C5: variants seen among roughly 807,000 people sequenced by gnomAD.
C5 encodes the protein C3 and PZP-like alpha-2-macroglobulin domain-containing protein 4.
C5 carries 140 observed loss-of-function variants against 218.8 expected under a neutral mutation model. The observed-to-expected ratio is 0.64, with a 90% CI of 0.56 to 0.74. The LOEUF (loss-of-function observed/expected upper bound fraction) is 0.74. Ranked by LOEUF, C5 falls within the 30% of genes least tolerant of loss-of-function variation. The pLI, the probability that C5 is intolerant of heterozygous loss-of-function variation, is 0.00. For synonymous variants in C5, 614 were observed against 682.3 expected (o/e 0.90, Z 1.56); for missense variants, 1,700 against 1,969.6 (o/e 0.86, Z 2.59).
At position 121,037,928 on chromosome 9, in the gene C5, TC is replaced by T. The variant is rs1187047976; in HGVS notation, c.444del (p.Asn149MetfsTer4). The T allele has an allele frequency of 1.3e-6, 2 of 1,530,698 alleles. No individual in the cohort carries two copies. Among genetic ancestry groups the T allele is most frequent in the African/African-American group, 1.4e-5 (1 of 72,916 alleles). 94.8% of individuals were successfully genotyped at this position (1,530,698 alleles called of 1,614,324 possible). On this transcript the variant is annotated frameshift_variant, in exon 4 of 41. Transcript: ENST00000223642. LOFTEE classifies it high-confidence loss of function. ...CTTTTGGCTGGCTTCAAGTCGTCAT[TC>T]AACGAATAAACTCTAACTTTTACTG... is the stretch of plus-strand genomic sequence containing the variant. ...DQSVKVRVYS[L>X]NDDLKPAKRE...
At chr9:121,055,421 G>A in the C5 span, among the ~76,000 whole-genome samples, 1 of 152,096 alleles carries the variant, frequency 6.6e-6, no homozygotes, top group Non-Finnish European at 1.5e-5. Flanking sequence ...AGCCACAGGA[G>A]TATGTATGTC....
intron 12 of C5, among the ~76,000 whole-genome samples, chr9:121,019,180 G>T (rs550883058): frequency 2.0e-5 from 3 of 151,950 alleles, no homozygotes; most frequent in South Asian, 2.1e-4. Flanking sequence ...GCCCTCAGAG[G>T]TCCCTTAAAT....
intron 12 of C5, among the ~76,000 whole-genome samples, chr9:121,018,252 CAAAA>C (rs1189613789): frequency 0.034 from 1,411 of 42,110 alleles, 26 homozygotes; most frequent in African/African-American, 0.12. Context: ...GACTCTGTCT[CAAAA>C]AAAAAAAAAA....
intron 21 of C5, 74 bp from the exon 22 acceptor site, chr9:120,996,374 T>C (rs1292036415): frequency 2.3e-6 from 3 of 1,301,850 alleles, no homozygotes; most frequent in Non-Finnish European, 3.3e-6. Context: ...TCAACTTTTC[T>C]GGACCACTTT....
chr9:120,997,487 T>A, intron 21 of C5, 60 bp downstream of exon 21: 1 of 1,231,938 alleles, frequency 8.1e-7, no homozygotes, highest in East Asian at 2.4e-5. Flanking sequence ...CTCCCCCCCC[T>A]TTCTGTGTCT....
At chr9:120,963,015 G>T in intron 34 of C5, 48 bp from the exon 35 acceptor site, 1 of 1,409,744 alleles carries the variant, frequency 7.1e-7, no homozygotes, top group Non-Finnish European at 1.0e-6. Context: ...TTATCTTTTT[G>T]TTTAAATGCA....
At chr9:121,025,408 A>G in intron 9 of C5, 46 bp downstream of exon 9, 1 of 1,255,010 alleles carries the variant, frequency 8.0e-7, no homozygotes, top group South Asian at 2.1e-5. Context: ...AATATTTTTC[A>G]AAAGAAAGTA....
chr9:121,055,740 CA>C, the C5 span, among the ~76,000 whole-genome samples: 1 of 152,140 alleles, frequency 6.6e-6, no homozygotes, highest in South Asian at 2.1e-4. Context: ...CAGGCATAAC[CA>C]GGCAGTAGTG....
At chr9:121,000,058 C>CAAA (rs56914253) in intron 20 of C5, 146 of 172,120 alleles carry the variant, frequency 8.5e-4, no homozygotes, top group South Asian at 1.2e-3. Flanking sequence ...GACTCTGTCT[C>CAAA]AAAAAAAAAA....
chr9:120,991,377 T>C (rs2047076219), intron 22 of C5, 97 bp from the exon 23 acceptor site: 2 of 759,922 alleles, frequency 2.6e-6, no homozygotes, highest in Non-Finnish European at 4.6e-6. Flanking sequence ...TATTTCAAAA[T>C]AAAAGACTTA....
Position 120,989,054 on chromosome 9 carries a change from A to T in C5, c.3222T>A (p.Ala1074=), listed in dbSNP as rs774244761. Residue 1074 remains alanine, a synonymous_variant, in exon 25 of 41, where the codon GCT becomes GCA. Coordinates refer to ENST00000223642, the MANE Select transcript of C5 (RefSeq NM_001735.3). ...CAAAATCTTCTACTTACCAAGTGCTAGCACTTCCACCCTTCCACACACTGT... is the reference window on the plus strand; with the variant it reads ...CAAAATCTTCTACTTACCAAGTGCTTGCACTTCCACCCTTCCACACACTGT... ...YSYSVWKGGS[A]STWLTAFALR... 8 of 1,611,922 alleles carry T rather than the reference A, an allele frequency of 5.0e-6. No homozygotes were observed. Among genetic ancestry groups the T allele is most frequent in the Non-Finnish European group, 5.9e-6 (7 of 1,177,928 alleles).
chr9:120,991,810 G>C (rs1366127936), intron 22 of C5, among the ~76,000 whole-genome samples: 1 of 152,088 alleles, frequency 6.6e-6, no homozygotes, highest in Admixed American at 6.5e-5. Context: ...TCCAAAAAAA[G>C]GTAACATTGA....
the C5 span, among the ~76,000 whole-genome samples, chr9:121,057,123 C>T: frequency 1.3e-5 from 2 of 152,076 alleles, no homozygotes; most frequent in African/African-American, 4.8e-5. Flanking sequence ...ATATTATATC[C>T]AGCACAATTA....
At chr9:121,029,801 G>A (rs1375450392) in intron 7 of C5, among the ~76,000 whole-genome samples, 2 of 152,168 alleles carry the variant, frequency 1.3e-5, no homozygotes, top group East Asian at 3.9e-4. Context: ...TTGCCTCTTT[G>A]AGTGTTGCTG....
chr9:121,007,018 T>C, intron 18 of C5, 41 bp from the exon 19 acceptor site: 8 of 1,429,498 alleles, frequency 5.6e-6, no homozygotes, highest in Non-Finnish European at 7.9e-6. Context: ...AGTGGAATAT[T>C]GATTAACCCA....
chr9:121,058,999 G>A, the C5 span, among the ~76,000 whole-genome samples: 1 of 152,210 alleles, frequency 6.6e-6, no homozygotes, highest in Non-Finnish European at 1.5e-5. Flanking sequence ...AAAGGTGAGA[G>A]GTGGAAAGAG....
chr9:120,988,753 G>A (rs1335749483), intron 25 of C5, among the ~76,000 whole-genome samples: 1 of 152,222 alleles, frequency 6.6e-6, no homozygotes, highest in Non-Finnish European at 1.5e-5. Context: ...ATACTGAAGA[G>A]GATCAAGGGC....
At chr9:121,039,659 G>A (rs971923479) in intron 3 of C5, among the ~76,000 whole-genome samples, 1 of 152,064 alleles carries the variant, frequency 6.6e-6, no homozygotes, top group African/African-American at 2.4e-5. Flanking sequence ...AATAAAAGAT[G>A]TGGTTTATTA....
At chr9:121,015,167 AC>A (rs2047295767) in intron 16 of C5, 31 bp downstream of exon 16, 1 of 1,408,180 alleles carries the variant, frequency 7.1e-7, no homozygotes, top group East Asian at 2.3e-5. Context: ...TATGACCATA[AC>A]CTTTTTACAA....
Sources: gnomAD v4.1 joint callset for allele counts (sites outside exome capture counted in the v4.1 genomes callset) on GRCh38, gnomAD v4.1.1 for gene constraint, MANE v1.5 for transcripts, NCBI Gene and HGNC (gene_info 2026-07-23, HGNC 2026-07-21) for gene names.